SEC24A: variants seen among roughly 807,000 people sequenced by gnomAD.
The protein encoded by SEC24A is SEC24 homolog A, COPII component, also known as protein transport protein Sec24A.
Under a neutral mutation model 129.4 loss-of-function variants are expected in SEC24A, and 93 were observed. That is an observed-to-expected ratio of 0.72 (90% CI 0.61 to 0.85). The LOEUF is 0.85. Ranked by LOEUF, SEC24A falls within the 40% of genes least tolerant of loss-of-function variation. SEC24A has a pLI of 0.00. For missense variants in SEC24A, 1,264 were observed against 1,307.4 expected (o/e 0.97, Z 0.51); for synonymous variants, 460 against 467.3 (o/e 0.98, Z 0.20).
intron 9 of SEC24A, among the ~76,000 whole-genome samples, chr5:134,684,754 G>A (rs890671510): frequency 1.9e-4 from 29 of 152,016 alleles, no homozygotes; most frequent in Non-Finnish European, 7.4e-5. Context: ...TTGCACTTAA[G>A]TGGTTGGTAA....
Position 134,697,200 on chromosome 5 carries a change from T to G in SEC24A, c.2061T>G (p.Val687=). Reference sequence around the variant, plus strand: ...ACTGTTCTGGTCAGCAAGTTGCTGTTGACTTATTCCTTCTCAGTGGACAGT... The same window carrying G: ...ACTGTTCTGGTCAGCAAGTTGCTGTGGACTTATTCCTTCTCAGTGGACAGT... ...ALDCSGQQVA[V]DLFLLSGQYS... The change falls in exon 14 of 23, where the codon GTT becomes GTG. Residue 687 remains valine, a synonymous_variant. Transcript: ENST00000398844. The G allele has an allele frequency of 6.2e-7, 1 of 1,606,862 alleles. No homozygotes were observed. Among genetic ancestry groups the G allele is most frequent in the Non-Finnish European group, 8.5e-7 (1 of 1,174,612 alleles).
intron 13 of SEC24A, among the ~76,000 whole-genome samples, chr5:134,696,422 C>T (rs1751825350): frequency 6.6e-6 from 1 of 151,910 alleles, no homozygotes. Flanking sequence ...AAAATCTTTA[C>T]CAACTATGAA....
In SEC24A at chr5:134,697,906, T is replaced by G. The variant is rs1374022335; in HGVS notation, c.2115T>G (p.Ile705Met). The stretch of plus-strand genomic sequence containing the variant: ...GTGTGTGTTCTCTTCCAGGTTGTAT[T>G]TCTCGGTATTCAGCAGGTAGTGTCT... ...QYSDLASLGC[I>M]SRYSAGSVYY... The change falls in exon 15 of 23, where the codon ATT (isoleucine) becomes ATG (methionine). Residue 705 changes from isoleucine to methionine, a missense_variant. By Grantham distance (10) the Ile-to-Met change is conservative. Transcript: ENST00000398844. 1 of 1,610,764 alleles carries G rather than the reference T, an allele frequency of 6.2e-7. No individual in the cohort carries two copies. Among genetic ancestry groups the G allele is most frequent in the East Asian group, 2.2e-5 (1 of 44,842 alleles).
rs1383163614 is a variant in SEC24A at position 134,649,083 on chromosome 5, C to T, written c.7C>T (p.Gln3Ter). The T allele has an allele frequency of 6.2e-7, 1 of 1,608,852 alleles. No individual in the cohort carries two copies. Among genetic ancestry groups the T allele is most frequent in the South Asian group, 1.1e-5 (1 of 90,186 alleles). Residue 3 changes from glutamine (Q) to a stop codon, truncating the protein, a stop_gained, in exon 1 of 23, where the codon CAG becomes TAG. Coordinates refer to ENST00000398844, the MANE Select transcript of SEC24A (RefSeq NM_021982.3). LOFTEE classifies it high-confidence loss of function. MS[Q>*]PGIPASGGAP... ...CCCTTCCAACCCAGTCATCATGTCC[C>T]AGCCGGGAATACCGGCCTCCGGCGG...
intron 1 of SEC24A, among the ~76,000 whole-genome samples, chr5:134,650,467 G>C (rs1298221277): frequency 6.6e-6 from 1 of 151,982 alleles, no homozygotes; most frequent in Non-Finnish European, 1.5e-5. Flanking sequence ...TTTGACCACT[G>C]TGGTATGCTG....
rs1270183870 is a variant in SEC24A, at chr5:134,674,816, G to C, written c.978+41G>C. The C allele has an allele frequency of 3.2e-6, 5 of 1,581,416 alleles. No homozygotes were observed. In the African/African-American group the frequency reaches 6.8e-5, roughly 21 times the overall value. On this transcript the variant is annotated intron_variant, in intron 5 of 22. Coordinates refer to ENST00000398844, the MANE Select transcript of SEC24A (RefSeq NM_021982.3). ...TTTTCTTTAACCTATTTCTCCATTTGGTTTAAACTGTATACACATGAAGAA... is the reference window on the plus strand; with the variant it reads ...TTTTCTTTAACCTATTTCTCCATTTCGTTTAAACTGTATACACATGAAGAA...
At chr5:134,717,005 G>A (rs765529775) in intron 19 of SEC24A, among the ~76,000 whole-genome samples, 88 of 149,128 alleles carry the variant, frequency 5.9e-4, no homozygotes, top group Non-Finnish European at 9.7e-4. Flanking sequence ...TCAGCCTCCC[G>A]AGTAGCTGGG....
intron 1 of SEC24A, among the ~76,000 whole-genome samples, chr5:134,659,617 C>T (rs1233728822): frequency 6.6e-6 from 1 of 151,226 alleles, no homozygotes; most frequent in Non-Finnish European, 1.5e-5. Context: ...ATCTGTCTTC[C>T]TGCCAGTTGG....
At chr5:134,693,598 T>C in intron 12 of SEC24A, 129 bp from the exon 13 acceptor site, 2 of 1,440,906 alleles carry the variant, frequency 1.4e-6, no homozygotes, top group Non-Finnish European at 1.8e-6. Context: ...ACCAACTTCA[T>C]TGTTTAGTGT....
chr5:134,657,875 C>T (rs1275595961), intron 1 of SEC24A, among the ~76,000 whole-genome samples: 1 of 152,112 alleles, frequency 6.6e-6, no homozygotes, highest in African/African-American at 2.4e-5. Flanking sequence ...ACATGCCTGG[C>T]AAAAATTATT....
At chr5:134,724,643 A>C (rs528834834) in intron 22 of SEC24A, among the ~76,000 whole-genome samples, 1 of 152,196 alleles carries the variant, frequency 6.6e-6, no homozygotes, top group African/African-American at 2.4e-5. Context: ...CCACATTTGA[A>C]AAATCCATTC....
At chr5:134,695,938 C>G (rs1404254280) in intron 13 of SEC24A, among the ~76,000 whole-genome samples, 2 of 131,650 alleles carry the variant, frequency 1.5e-5, no homozygotes, top group Non-Finnish European at 3.2e-5. Context: ...GAGTGAGACT[C>G]TGTCTCAAAA....
At chr5:134,652,391 C>T (rs577595235) in intron 1 of SEC24A, among the ~76,000 whole-genome samples, 1 of 151,160 alleles carries the variant, frequency 6.6e-6, no homozygotes, top group East Asian at 2.0e-4. Context: ...TGGGTTCAAG[C>T]AATTCTGCCT....
chr5:134,697,588 TA>T (rs1205465393), intron 14 of SEC24A, among the ~76,000 whole-genome samples: 1 of 152,068 alleles, frequency 6.6e-6, no homozygotes, highest in Non-Finnish European at 1.5e-5. Flanking sequence ...ATAATATGTA[TA>T]TTTTTTTAAA....
At chr5:134,710,226 G>A (rs79360897) in intron 18 of SEC24A, among the ~76,000 whole-genome samples, 2 of 113,552 alleles carry the variant, frequency 1.8e-5, no homozygotes, top group East Asian at 5.0e-4. Context: ...TTTTTTTTTT[G>A]TCTGAGACAG....
At position 134,693,736 on chromosome 5, in the gene SEC24A, G is replaced by A. The variant is rs1181779513; in HGVS notation, c.1789G>A (p.Asp597Asn). The change falls in exon 13 of 23, where the codon GAT becomes AAT. Residue 597 changes from aspartate (D) to asparagine (N), a missense_variant. Coordinates refer to ENST00000398844, the MANE Select transcript of SEC24A (RefSeq NM_021982.3). ...NLNESKELVQ[D>N]LLKTLPQMFT... Reference sequence around the variant, plus strand: ...TGCTTTGTTTTACAAGCTCGTGCAAGATTTACTGAAAACTTTGCCACAAAT... The same window carrying A: ...TGCTTTGTTTTACAAGCTCGTGCAAAATTTACTGAAAACTTTGCCACAAAT... 1.2e-6 allele frequency: 2 copies of A among 1,613,496 alleles called. No homozygotes were observed. Among genetic ancestry groups the A allele is most frequent in the African/African-American group, 1.3e-5 (1 of 74,912 alleles).
intron 2 of SEC24A, among the ~76,000 whole-genome samples, chr5:134,664,795 T>TC (rs1750597078): frequency 8.2e-6 from 1 of 121,582 alleles, no homozygotes; most frequent in Admixed American, 8.0e-5. Flanking sequence ...TCTTTTTCTT[T>TC]TTTTTTTTTT....
Position 134,661,324 on chromosome 5 carries a change from T to C in SEC24A, c.303T>C (p.His101=), listed in dbSNP as rs1750450752. 1.9e-6 allele frequency: 3 copies of C among 1,614,072 alleles called. No individual in the cohort carries two copies. Among genetic ancestry groups the C allele is most frequent in the African/African-American group, 1.3e-5 (1 of 74,926 alleles). The change falls in exon 2 of 23, where the codon CAT becomes CAC. Residue 101 remains histidine, a synonymous_variant. Transcript: ENST00000398844. ...CTAATCCAGTGACACCTTCGCTTCA[T>C]AGTGGTCCTGCTCCCCGAATGCCAT... ...VASNPVTPSL[H]SGPAPRMPLP...
Position 134,715,851 on chromosome 5 carries a change from TAAA to T in SEC24A, c.2865+706_2865+708del, listed in dbSNP as rs34876785. Among the ~76,000 whole-genome samples, 866 of 140,544 alleles carry T rather than the reference TAAA, an allele frequency of 6.2e-3. 10 individuals carry two copies. Among genetic ancestry groups the T allele is most frequent in the African/African-American group, 0.02 (772 of 38,412 alleles). 92.2% of individuals were successfully genotyped at this position (140,544 alleles called of 152,430 possible). On this transcript the variant is annotated intron_variant, in intron 19 of 22. Transcript: ENST00000398844. ...ACATGTGTCCCAGAACTTAAAGTAT[TAAA>T]AAAAAAAAAAAAAAAGTTCTGGGTG...
Sources: gnomAD v4.1 joint callset for allele counts (sites outside exome capture counted in the v4.1 genomes callset) on GRCh38, gnomAD v4.1.1 for gene constraint, MANE v1.5 for transcripts, NCBI Gene and HGNC (gene_info 2026-07-23, HGNC 2026-07-21) for gene names.